The following ARMC3 variants were observed in gnomAD, a reference collection of about 807,000 sequenced individuals.
The protein encoded by ARMC3 is armadillo repeat containing 3.
A neutral mutation model predicts 90.3 loss-of-function variants in ARMC3; 74 were observed. The ratio of observed to expected loss-of-function variants is 0.82; its 90% CI spans 0.68 to 0.99. ARMC3 has a LOEUF of 0.99. ARMC3 is among the 50% of genes least tolerant of loss of function. The pLI is 0.00. For synonymous variants in ARMC3, 334 were observed against 361.8 expected (o/e 0.92, Z 0.87); for missense variants, 958 against 1,042.8 (o/e 0.92, Z 1.12).
intron 2 of ARMC3, among the ~76,000 whole-genome samples, chr10:22,938,893 TA>T (rs1443835074): frequency 6.6e-6 from 1 of 152,152 alleles, no homozygotes; most frequent in Non-Finnish European, 1.5e-5. Context: ...GCCTGACAAT[TA>T]AATACACCAT....
intron 1 of ARMC3, 66 bp from the exon 2 acceptor site, chr10:22,931,930 G>T: frequency 1.4e-6 from 2 of 1,381,784 alleles, no homozygotes; most frequent in South Asian, 1.3e-5. Context: ...CTCCTCTCAA[G>T]GGCACAGGTA....
At chr10:23,015,787 A>T (rs762752153) in intron 16 of ARMC3, among the ~76,000 whole-genome samples, 5 of 152,186 alleles carry the variant, frequency 3.3e-5, no homozygotes, top group Non-Finnish European at 7.4e-5. Flanking sequence ...AATCTTGACT[A>T]CTAAAGTCTT....
chr10:23,030,516 C>A, intron 16 of ARMC3, 80 bp from the exon 17 acceptor site: 1 of 1,519,812 alleles, frequency 6.6e-7, no homozygotes, highest in Admixed American at 2.1e-5. Flanking sequence ...TTCTGTGATG[C>A]TCTTTTCAGA....
intron 10 of ARMC3, among the ~76,000 whole-genome samples, chr10:22,990,533 G>C (rs913737342): frequency 6.6e-6 from 1 of 152,176 alleles, no homozygotes; most frequent in Non-Finnish European, 1.5e-5. Context: ...TTATCGGCCA[G>C]GTATTAAGCT....
chr10:22,946,142 A>T lies in ARMC3; in HGVS notation c.49-2A>T. 1 of 1,589,146 alleles carries T rather than the reference A, an allele frequency of 6.3e-7. No homozygotes were observed. The highest frequency in any genetic ancestry group is 1.3e-5 in the African/African-American group (1 of 74,170). On this transcript the variant is annotated splice_acceptor_variant, in intron 2 of 18. Transcript: ENST00000298032. LOFTEE classifies it high-confidence loss of function. Reference sequence around the variant, plus strand: ...ACTGATAGTTTTCTTTCTGCCTTTCAGTTTGACCCATTAATGATTGAAAGC... The same window carrying T: ...ACTGATAGTTTTCTTTCTGCCTTTCTGTTTGACCCATTAATGATTGAAAGC...
chr10:23,014,597 A>G, intron 16 of ARMC3: 1 of 655,204 alleles, frequency 1.5e-6, no homozygotes, highest in Non-Finnish European at 1.9e-6. Flanking sequence ...TGGTACATAT[A>G]CACCACGGAA....
intron 17 of ARMC3, 118 bp downstream of exon 17, chr10:23,030,914 G>C: frequency 9.1e-7 from 1 of 1,101,112 alleles, no homozygotes; most frequent in Non-Finnish European, 1.3e-6. Context: ...ACAGCACTCT[G>C]ACTCTGACAC....
chr10:23,011,801 A>ATC (rs34811696), intron 16 of ARMC3, among the ~76,000 whole-genome samples: 9,436 of 152,172 alleles, frequency 0.062, 415 homozygotes, highest in Middle Eastern at 0.13. Flanking sequence ...ATCAAATACA[A>ATC]TCTCTCTCTG....
rs1326784145 is a variant in ARMC3 at position 22,981,578 on chromosome 10, C to T, written c.1070-17C>T. ...GGGCATTTTAAAAGTCACATTTTTACCTTTCTCTTTCTGTAGGGATTCCAC... is the reference window on the plus strand; with the variant it reads ...GGGCATTTTAAAAGTCACATTTTTATCTTTCTCTTTCTGTAGGGATTCCAC... On this transcript the variant is annotated splice_polypyrimidine_tract_variant and intron_variant, in intron 9 of 18. Coordinates refer to ENST00000298032, the MANE Select transcript of ARMC3 (RefSeq NM_173081.5). The T allele has an allele frequency of 1.2e-6, 2 of 1,613,788 alleles. No individual in the cohort carries two copies. The highest frequency in any genetic ancestry group is 1.7e-6 in the Non-Finnish European group (2 of 1,179,756).
At chr10:22,939,549 G>A (rs1447540969) in intron 2 of ARMC3, among the ~76,000 whole-genome samples, 1 of 152,050 alleles carries the variant, frequency 6.6e-6, no homozygotes, top group African/African-American at 2.4e-5. Context: ...CTATAGAAAA[G>A]GTTTCTCTAG....
intron 2 of ARMC3, among the ~76,000 whole-genome samples, chr10:22,939,929 A>G (rs1409372504): frequency 1.3e-5 from 2 of 152,202 alleles, no homozygotes; most frequent in African/African-American, 4.8e-5. Context: ...TTAAGACCCA[A>G]CCATATCAAC....
chr10:23,001,265 G>A (rs1228155598), intron 11 of ARMC3, among the ~76,000 whole-genome samples: 3 of 152,180 alleles, frequency 2.0e-5, no homozygotes, highest in Admixed American at 1.3e-4. Context: ...AATATCATAT[G>A]GTTGGGGAGG....
At chr10:22,930,959 A>G (rs1239036798) in intron 1 of ARMC3, among the ~76,000 whole-genome samples, 1 of 150,882 alleles carries the variant, frequency 6.6e-6, no homozygotes, top group Non-Finnish European at 1.5e-5. Flanking sequence ...AGACAGTCTC[A>G]CTCTGTTGCC....
rs150198180 is a variant in ARMC3, at chr10:22,952,663, C to T, written c.167-3144C>T. Among the ~76,000 whole-genome samples, 679 of 152,216 alleles carry T rather than the reference C, an allele frequency of 4.5e-3. 3 individuals are homozygous for T. The highest frequency in any genetic ancestry group is 0.016 in the African/African-American group (648 of 41,524). On this transcript the variant is annotated intron_variant, in intron 3 of 18. Coordinates refer to ENST00000298032, the MANE Select transcript of ARMC3 (RefSeq NM_173081.5). Reference sequence around the variant, plus strand: ...AAAATTGAAAAGGATGGCATACTTCCCTATTCATTCTGTGAAGCCACCACT... The same window carrying T: ...AAAATTGAAAAGGATGGCATACTTCTCTATTCATTCTGTGAAGCCACCACT...
intron 7 of ARMC3, among the ~76,000 whole-genome samples, chr10:22,966,546 G>C (rs1245682678): frequency 1.3e-5 from 2 of 152,168 alleles, no homozygotes; most frequent in African/African-American, 4.8e-5. Flanking sequence ...GAGTTCTCTA[G>C]AGAAATAGAA....
chr10:23,023,803 AC>A (rs942191252), intron 16 of ARMC3, among the ~76,000 whole-genome samples: 5 of 152,078 alleles, frequency 3.3e-5, no homozygotes, highest in African/African-American at 1.2e-4. Flanking sequence ...AATCTATATA[AC>A]CAAGAGAAAA....
chr10:23,032,554 G>A (rs1838958183), intron 17 of ARMC3, among the ~76,000 whole-genome samples: 1 of 151,744 alleles, frequency 6.6e-6, no homozygotes, highest in Non-Finnish European at 1.5e-5. Context: ...TTTTAAAACT[G>A]CATTGATATT....
At chr10:22,953,398 T>A (rs369783336) in intron 3 of ARMC3, among the ~76,000 whole-genome samples, 3 of 152,046 alleles carry the variant, frequency 2.0e-5, no homozygotes, top group Non-Finnish European at 2.9e-5. Context: ...AAGAAAAAAA[T>A]ATATTTTTTT....
chr10:22,978,758 A>G (rs1332347230), intron 8 of ARMC3, among the ~76,000 whole-genome samples: 2 of 152,210 alleles, frequency 1.3e-5, no homozygotes, highest in Non-Finnish European at 2.9e-5. Context: ...AACTCCATTT[A>G]TAAGTAGATT....
Sources: allele counts gnomAD v4.1 joint callset (sites outside exome capture counted in the v4.1 genomes callset), GRCh38; gene constraint gnomAD v4.1.1; transcripts MANE v1.5; gene names NCBI Gene and HGNC (gene_info 2026-07-23, HGNC 2026-07-21).